UPF3A: variants seen among roughly 807,000 people sequenced by gnomAD.
UPF3A encodes regulator of nonsense transcripts 3A.
Under a neutral mutation model 53.5 loss-of-function variants are expected in UPF3A, and 42 were observed. That is an observed-to-expected ratio of 0.78 (90% CI 0.61 to 1.01). The LOEUF (loss-of-function observed/expected upper bound fraction) is 1.01, where lower values mean the gene tolerates loss of function less well. Among genes scored for constraint, UPF3A ranks in the 50% least tolerant of loss-of-function variants. The pLI, the probability that UPF3A is intolerant of heterozygous loss-of-function variation, is 0.00. For missense variants in UPF3A, 575 were observed against 598.0 expected (o/e 0.96, Z 0.40); for synonymous variants, 237 against 225.3 (o/e 1.05, Z -0.47).
chr13:114,294,281 G>GGA (rs1555372474), intron 7 of UPF3A, among the ~76,000 whole-genome samples: 1 of 151,120 alleles, frequency 6.6e-6, no homozygotes, highest in East Asian at 2.0e-4. Context: ...GGTGGGGGGG[G>GGA]GGTTTGAGAC....
chr13:114,288,814 A>T (rs1445965546), intron 5 of UPF3A, among the ~76,000 whole-genome samples: 1 of 152,144 alleles, frequency 6.6e-6, no homozygotes, highest in African/African-American at 2.4e-5. Flanking sequence ...TACACAAGGG[A>T]ACATGAGGGT....
intron 5 of UPF3A, among the ~76,000 whole-genome samples, chr13:114,289,001 A>G (rs2085012286): frequency 6.6e-6 from 1 of 151,990 alleles, no homozygotes; most frequent in South Asian, 2.1e-4. Flanking sequence ...GGCTGTTTTG[A>G]GACATACCTT....
Position 114,286,500 on chromosome 13 carries a change from C to T in UPF3A, c.521-19C>T, listed in dbSNP as rs748070877. 6.2e-7 allele frequency: 1 copy of T among 1,609,730 alleles called. No homozygotes were observed. The highest frequency in any genetic ancestry group is 1.1e-5 in the South Asian group (1 of 90,196). On this transcript the variant is annotated intron_variant, in intron 4 of 9. Transcript: ENST00000375299. ...TGGGAAAGATTATATTTATTTTCTTCCTACTTTTTAATGTCTAGATCCAGA... is the reference window on the plus strand; with the variant it reads ...TGGGAAAGATTATATTTATTTTCTTTCTACTTTTTAATGTCTAGATCCAGA...
intron 7 of UPF3A, among the ~76,000 whole-genome samples, chr13:114,294,539 G>A (rs1332733314): frequency 1.3e-5 from 2 of 152,342 alleles, no homozygotes; most frequent in South Asian, 2.1e-4. Flanking sequence ...ATGAGCCACC[G>A]TGCGTAGCAC....
At chr13:114,289,742 C>T (rs1324399404) in intron 5 of UPF3A, among the ~76,000 whole-genome samples, 8 of 152,146 alleles carry the variant, frequency 5.3e-5, no homozygotes, top group Admixed American at 5.2e-4. Context: ...CTGGGTTCAG[C>T]TCTGAGACTT....
intron 9 of UPF3A, among the ~76,000 whole-genome samples, chr13:114,302,681 A>G (rs993901423): frequency 1.3e-5 from 2 of 152,162 alleles, no homozygotes; most frequent in African/African-American, 4.8e-5. Flanking sequence ...TGATTTTGTC[A>G]TTTCAAGAAT....
At chr13:114,287,785 A>G (rs2084868499) in intron 5 of UPF3A, among the ~76,000 whole-genome samples, 1 of 152,124 alleles carries the variant, frequency 6.6e-6, no homozygotes, top group African/African-American at 2.4e-5. Flanking sequence ...ATATTACTGA[A>G]ATAGTCCGTT....
chr13:114,281,837 C>T lies in UPF3A; in HGVS notation c.198C>T (p.Ala66=), dbSNP rs1018433362. Residue 66 remains alanine (A), a synonymous_variant, in exon 1 of 10, where the codon GCC becomes GCT. Transcript: ENST00000375299. ...AACCTCGCGAGGAGAAGAGGACGGC[C>T]CTGAGCAAGGTGGGGACGGGGGCGG... The part of the protein sequence containing the change: ...AGKPREEKRT[A]LSKVVIRRLP... 6.5e-7 allele frequency: 1 copy of T among 1,531,700 alleles called. No individual in the cohort carries two copies. Among genetic ancestry groups the T allele is most frequent in the Non-Finnish European group, 8.8e-7 (1 of 1,138,034 alleles). 94.9% of individuals were successfully genotyped at this position (1,531,700 alleles called of 1,614,324 possible).
rs1017916127 is a variant in UPF3A at position 114,301,158 on chromosome 13, T to C, written c.1008-573T>C. On this transcript the variant is annotated intron_variant, in intron 8 of 9. Transcript: ENST00000375299. ...GAGGGTTATTGAGAATTAGAAAATA[T>C]GTATAAAAAGTACCTTAGCATGGCC... Among the ~76,000 whole-genome samples the C allele has an allele frequency of 9.9e-5, 15 of 151,866 alleles. 1 individual carries two copies. In the South Asian group the frequency reaches 2.1e-3, roughly 21 times the overall value.
chr13:114,286,292 C>T lies in UPF3A; in HGVS notation c.422-10C>T. 1.9e-6 allele frequency: 3 copies of T among 1,610,422 alleles called. No homozygotes were observed. Among genetic ancestry groups the T allele is most frequent in the South Asian group, 1.1e-5 (1 of 89,574 alleles). ...CAGAATGGCTTCTGGAACATGTTTC[C>T]TGTTAAAAGGCCTAGAATATCCTGC... On this transcript the variant is annotated splice_polypyrimidine_tract_variant and intron_variant, in intron 3 of 9. Coordinates refer to ENST00000375299, the MANE Select transcript of UPF3A (RefSeq NM_023011.4).
chr13:114,294,194 T>A (rs2085586839), intron 7 of UPF3A, among the ~76,000 whole-genome samples: 1 of 151,432 alleles, frequency 6.6e-6, no homozygotes, highest in Non-Finnish European at 1.5e-5. Flanking sequence ...TGTGGAGAAA[T>A]GCAAAAGAAG....
intron 5 of UPF3A, among the ~76,000 whole-genome samples, chr13:114,289,345 G>T (rs1353350219): frequency 6.6e-6 from 1 of 151,980 alleles, no homozygotes; most frequent in Non-Finnish European, 1.5e-5. Context: ...CCAACATGGT[G>T]AAACCCCGTT....
At chr13:114,286,139 A>C (rs997891753) in intron 3 of UPF3A, 163 bp from the exon 4 acceptor site, 3 of 948,860 alleles carry the variant, frequency 3.2e-6, no homozygotes, top group Admixed American at 3.2e-5. Context: ...TAGGTTTTTT[A>C]ATCTTTTTTT....
Position 114,305,766 on chromosome 13 carries a change from C to G in UPF3A, c.*849C>G, listed in dbSNP as rs2086959131. On this transcript the variant is annotated 3_prime_UTR_variant, in exon 10 of 10. Transcript: ENST00000375299. ...GCTAAATGTCAATGTATTTTTGGCA[C>G]TGCGATTTTAACCATTTATTAAATA... The G allele has an allele frequency of 6.6e-6, 1 of 152,154 alleles. No homozygotes were observed. The highest frequency in any genetic ancestry group is 2.4e-5 in the African/African-American group (1 of 41,422). The allele number at this position is 152,154 out of a possible 1,614,324, so 9.4% of individuals were successfully genotyped here.
chr13:114,282,955 G>T lies in UPF3A; in HGVS notation c.421+12G>T. On this transcript the variant is annotated intron_variant, in intron 3 of 9. Transcript: ENST00000375299. Reference sequence around the variant, plus strand: ...CCTTGACAGCAAAGGTTGGATTATTGGTTTTTAAAAATCTATTATAATCTG... The same window carrying T: ...CCTTGACAGCAAAGGTTGGATTATTTGTTTTTAAAAATCTATTATAATCTG... 1 of 1,563,450 alleles carries T rather than the reference G, an allele frequency of 6.4e-7. No individual in the cohort carries two copies. The highest frequency in any genetic ancestry group is 1.1e-5 in the South Asian group (1 of 87,488).
intron 8 of UPF3A, among the ~76,000 whole-genome samples, chr13:114,299,878 A>G (rs953459534): frequency 6.6e-6 from 1 of 152,264 alleles, no homozygotes; most frequent in Non-Finnish European, 1.5e-5. Flanking sequence ...TAATGCGATT[A>G]GGCTGCCGGC....
intron 7 of UPF3A, among the ~76,000 whole-genome samples, chr13:114,298,525 G>A (rs1267077002): frequency 6.6e-6 from 1 of 152,240 alleles, no homozygotes; most frequent in African/African-American, 2.4e-5. Context: ...GGGCGACAGA[G>A]CGAGACTCTG....
In UPF3A at chr13:114,282,255, A is replaced by G. The variant is rs1375129409; in HGVS notation, c.314+128A>G. On this transcript the variant is annotated intron_variant, in intron 2 of 9. Transcript: ENST00000375299. Reference sequence around the variant, plus strand: ...GGAGTCGTGTGAGCTTTTTGAATAAATACATTTCAGTAAAACGTGTCCGTT... The same window carrying G: ...GGAGTCGTGTGAGCTTTTTGAATAAGTACATTTCAGTAAAACGTGTCCGTT... 3.4e-6 allele frequency: 3 copies of G among 879,710 alleles called. No homozygotes were observed. The African/African-American group carries it at 5.2e-5, about 15-fold the overall frequency. The allele number at this position is 879,710 out of a possible 1,614,324, so 54.5% of individuals were successfully genotyped here. A position where few individuals can be genotyped will look rare whatever the true frequency, so the allele number is the denominator to read the frequency against.
At chr13:114,299,307 G>C (rs942318551) in intron 8 of UPF3A, among the ~76,000 whole-genome samples, 4 of 152,044 alleles carry the variant, frequency 2.6e-5, no homozygotes, top group African/African-American at 9.7e-5. Flanking sequence ...AGGTCTTCAG[G>C]ATCTGTCTTC....
Sources: allele counts gnomAD v4.1 joint callset (sites outside exome capture counted in the v4.1 genomes callset), GRCh38; gene constraint gnomAD v4.1.1; transcripts MANE v1.5; gene names NCBI Gene and HGNC (gene_info 2026-07-23, HGNC 2026-07-21).